BBS12: variants seen among roughly 807,000 people sequenced by gnomAD.
BBS12 encodes chaperonin-containing T-complex member BBS12.
A neutral mutation model predicts 5.6 loss-of-function variants in BBS12; 5 were observed. The observed-to-expected ratio is 0.89, with a 90% CI of 0.46 to 1.86. The LOEUF (loss-of-function observed/expected upper bound fraction) is 1.86. BBS12 is among the 40% of genes most tolerant of loss of function. The pLI is 0.01. For synonymous variants in BBS12, 308 were observed against 306.8 expected, an observed-to-expected ratio of 1.00 and a Z score of -0.04; for missense variants, 748 against 830.4, an observed-to-expected ratio of 0.90 and a Z score of 1.22.
At chr4:122,702,448 A>G in the BBS12 span, among the ~76,000 whole-genome samples, 40 of 152,348 alleles carry the variant, frequency 2.6e-4, no homozygotes, top group African/African-American at 9.6e-4. Context: ...CTCTATTAGA[A>G]GATGGATCCT....
At chr4:122,703,824 A>T in the BBS12 span, among the ~76,000 whole-genome samples, 208 of 152,252 alleles carry the variant, frequency 1.4e-3, no homozygotes, top group African/African-American at 4.0e-3. Flanking sequence ...TTAATTAATT[A>T]ATTTATTTAT....
At chr4:122,713,722 G>A in the BBS12 span, among the ~76,000 whole-genome samples, 8 of 152,130 alleles carry the variant, frequency 5.3e-5, no homozygotes, top group Non-Finnish European at 1.0e-4. Context: ...TGGTGTCATG[G>A]CTGTAAAAGA....
rs148277417 is a variant in BBS12, at chr4:122,743,500, C to T, written c.1608C>T (p.Phe536=). The T allele has an allele frequency of 3.7e-6, 6 of 1,614,086 alleles. No homozygotes were observed. The African/African-American group carries it at 8.0e-5, about 22-fold the overall frequency. The change falls in exon 2 of 2, where the codon TTC becomes TTT. Residue 536 remains phenylalanine (F), a synonymous_variant. Transcript: ENST00000314218. ...ATGCTCTAAAAGAGGAAAAGGTCTT[C>T]CTTGGAGGTGGTGCAGTTGAATTTT... ...LYYALKEEKV[F]LGGGAVEFLC...
At chr4:122,739,592 A>G (rs1449476271) in intron 1 of BBS12, among the ~76,000 whole-genome samples, 6 of 152,268 alleles carry the variant, frequency 3.9e-5, no homozygotes, top group Non-Finnish European at 7.3e-5. Flanking sequence ...CTCTCTTTCA[A>G]AGACCCTAGA....
the BBS12 span, among the ~76,000 whole-genome samples, chr4:122,720,221 C>T: frequency 8.5e-5 from 13 of 152,110 alleles, no homozygotes; most frequent in Admixed American, 3.9e-4. Flanking sequence ...GAGGCTGAGG[C>T]GGGCAGATCA....
the BBS12 span, among the ~76,000 whole-genome samples, chr4:122,712,680 C>A: frequency 1.3e-5 from 2 of 152,330 alleles, no homozygotes; most frequent in South Asian, 4.1e-4. Context: ...TCTGCCCTTT[C>A]ACATATAGTG....
In BBS12 at chr4:122,743,839, T is replaced by A; in HGVS notation, c.1947T>A (p.Asn649Lys). The change falls in exon 2 of 2, where the codon AAT (asparagine) becomes AAA (lysine). Residue 649 changes from asparagine to lysine, a missense_variant. By Grantham distance (94) the Asn-to-Lys change is moderately conservative. Transcript: ENST00000314218. ...GTAAACTAAATAGTAGAATTTTTAATTCAGACATTTCAAATAAACTGGAGC... is the reference window on the plus strand; with the variant it reads ...GTAAACTAAATAGTAGAATTTTTAAATCAGACATTTCAAATAAACTGGAGC... ...EYSKLNSRIF[N>K]SDISNKLEQI... 1 of 1,605,740 alleles carries A rather than the reference T, an allele frequency of 6.2e-7. No individual in the cohort carries two copies. Among genetic ancestry groups the A allele is most frequent in the Non-Finnish European group, 8.5e-7 (1 of 1,176,560 alleles).
At chr4:122,735,822 A>C (rs1800776071) in intron 1 of BBS12, among the ~76,000 whole-genome samples, 1 of 152,222 alleles carries the variant, frequency 6.6e-6, no homozygotes, top group Admixed American at 6.5e-5. Flanking sequence ...ATAAATAAGT[A>C]AACTATATCC....
the BBS12 span, among the ~76,000 whole-genome samples, chr4:122,708,016 C>CTT: frequency 1.5e-5 from 2 of 131,700 alleles, no homozygotes; most frequent in Admixed American, 7.8e-5. Flanking sequence ...TTTTTCTTTC[C>CTT]TTTTTTTTTT....
the BBS12 span, among the ~76,000 whole-genome samples, chr4:122,717,275 C>T: frequency 6.6e-6 from 1 of 152,116 alleles, no homozygotes; most frequent in African/African-American, 2.4e-5. Context: ...CAAATAATAA[C>T]TTTATCACTA....
At chr4:122,741,801 C>A in intron 1 of BBS12, 82 bp from the exon 2 acceptor site, 1 of 1,151,120 alleles carries the variant, frequency 8.7e-7, no homozygotes, top group Non-Finnish European at 1.3e-6. Flanking sequence ...AAGCAGGGAG[C>A]ATATCTTGTT....
upstream of BBS12, chr4:122,729,809 T>C (rs1376039976): frequency 6.6e-6 from 1 of 152,168 alleles, no homozygotes; most frequent in Admixed American, 6.6e-5. Flanking sequence ...TAGCTAGGCA[T>C]GGTGGCAGGT....
the BBS12 span, among the ~76,000 whole-genome samples, chr4:122,716,580 T>C: frequency 1.4e-4 from 21 of 147,770 alleles, no homozygotes; most frequent in Non-Finnish European, 2.1e-4. Context: ...AACATATGTA[T>C]ATATACACAT....
At chr4:122,706,436 G>T in the BBS12 span, among the ~76,000 whole-genome samples, 1 of 152,280 alleles carries the variant, frequency 6.6e-6, no homozygotes, top group South Asian at 2.1e-4. Context: ...TGCAGCATCA[G>T]TTTGAATGCT....
rs1800917616 is a variant in BBS12, at chr4:122,743,204, A to G, written c.1312A>G (p.Asn438Asp). Residue 438 changes from asparagine to aspartate, a missense_variant, in exon 2 of 2, where the codon AAT becomes GAT. Asn to Asp is a conservative substitution (Grantham distance 23). Transcript: ENST00000314218. ...NSKRLVIGSV[N>D]GSVMQAFAEA... The stretch of plus-strand genomic sequence containing the variant: ...TAAGCGGTTGGTAATCGGCTCAGTG[A>G]ATGGCAGTGTGATGCAGGCTTTTGC... 3 of 1,614,180 alleles carry G rather than the reference A, an allele frequency of 1.9e-6. No individual in the cohort carries two copies. The African/African-American group carries it at 4.0e-5, about 22-fold the overall frequency.
chr4:122,738,303 C>T (rs1026067094), intron 1 of BBS12, among the ~76,000 whole-genome samples: 9 of 152,136 alleles, frequency 5.9e-5, no homozygotes, highest in Non-Finnish European at 1.0e-4. Context: ...CTCCACCTCC[C>T]GGGTTCACGC....
upstream of BBS12, chr4:122,729,984 C>G (rs1800677469): frequency 6.6e-6 from 1 of 152,058 alleles, no homozygotes; most frequent in Non-Finnish European, 1.5e-5. Flanking sequence ...AAATAAAACT[C>G]TACACCACCT....
intron 1 of BBS12, 104 bp from the exon 2 acceptor site, chr4:122,741,779 T>A (rs1800875237): frequency 1.1e-6 from 1 of 940,308 alleles, no homozygotes; most frequent in Admixed American, 2.3e-5. Flanking sequence ...ATGGAAATTA[T>A]ATGTACCTCA....
chr4:122,721,976 A>G, the BBS12 span, among the ~76,000 whole-genome samples: 3 of 152,170 alleles, frequency 2.0e-5, no homozygotes, highest in Non-Finnish European at 2.9e-5. Context: ...TTTTAGATCA[A>G]ATTCTCTGAC....
Sources: allele counts gnomAD v4.1 joint callset (sites outside exome capture counted in the v4.1 genomes callset), GRCh38; gene constraint gnomAD v4.1.1; transcripts MANE v1.5; gene names NCBI Gene and HGNC (gene_info 2026-07-23, HGNC 2026-07-21).